Variants in SLC35F2 observed in about 807,000 individuals in gnomAD.
SLC35F2 encodes the protein solute carrier family 35 member F2, also known as queuine/queuosine transporter SLC35F2.
A neutral mutation model predicts 38.1 loss-of-function variants in SLC35F2; 25 were observed. The observed-to-expected ratio is 0.66, with a 90% CI of 0.48 to 0.92. SLC35F2 has a LOEUF of 0.92. Among genes scored for constraint, SLC35F2 ranks in the 40% least tolerant of loss-of-function variants. The pLI, the probability that SLC35F2 is intolerant of heterozygous loss-of-function variation, is 0.00. For missense variants in SLC35F2, 409 were observed against 452.9 expected (o/e 0.90, Z 0.88); for synonymous variants, 173 against 181.7 (o/e 0.95, Z 0.38).
At position 107,792,907 on chromosome 11, in the gene SLC35F2, TTC is replaced by T. The variant is rs1235309125; in HGVS notation, c.940-109_940-108del. On this transcript the variant is annotated intron_variant, in intron 7 of 7. Transcript: ENST00000525815. ...ATTACCCTCTCATAATCTTTTTATT[TTC>T]TTTCTTTCTTTCTTTCTTTCTTTTT... 5 of 245,606 alleles carry T rather than the reference TTC, an allele frequency of 2.0e-5. No individual in the cohort carries two copies. The African/African-American group carries it at 9.7e-4, about 47-fold the overall frequency. The allele number at this position is 245,606 out of a possible 1,614,324, so 15.2% of individuals were successfully genotyped here.
At chr11:107,818,663 A>G (rs1399610842) in intron 1 of SLC35F2, among the ~76,000 whole-genome samples, 1 of 152,076 alleles carries the variant, frequency 6.6e-6, no homozygotes, top group African/African-American at 2.4e-5. Flanking sequence ...ATATTGATAC[A>G]TGAGTTCTTG....
At chr11:107,811,898 C>A (rs1378606548) in intron 2 of SLC35F2, 104 bp from the exon 3 acceptor site, 82 of 1,069,374 alleles carry the variant, frequency 7.7e-5, no homozygotes, top group Non-Finnish European at 1.1e-4. Flanking sequence ...GTTTTTTTTT[C>A]TTTTTTCTTC....
intron 1 of SLC35F2, among the ~76,000 whole-genome samples, chr11:107,838,769 C>G (rs551325009): frequency 1.5e-4 from 23 of 151,986 alleles, no homozygotes; most frequent in African/African-American, 5.1e-4. Context: ...GCTGGGACTA[C>G]AGGCGTGCAC....
Position 107,815,972 on chromosome 11 carries a change from A to T in SLC35F2, c.111-7T>A. The T allele has an allele frequency of 6.2e-7, 1 of 1,610,622 alleles. No homozygotes were observed. The highest frequency in any genetic ancestry group is 1.1e-5 in the South Asian group (1 of 90,512). On this transcript the variant is annotated splice_region_variant and splice_polypyrimidine_tract_variant and intron_variant, in intron 1 of 7. Coordinates refer to ENST00000525815, the MANE Select transcript of SLC35F2 (RefSeq NM_017515.5). ...AATTGTTTTCAAAATATTCCTAGAA[A>T]ATAAGGGAAGAAATCAGAACAGCAT...
chr11:107,792,498 A>T lies in SLC35F2; in HGVS notation c.*117T>A. 1 of 1,227,362 alleles carries T rather than the reference A, an allele frequency of 8.1e-7. No individual in the cohort carries two copies. Among genetic ancestry groups the T allele is most frequent in the Non-Finnish European group, 1.1e-6 (1 of 911,996 alleles). 76.0% of individuals were successfully genotyped at this position (1,227,362 alleles called of 1,614,324 possible). Reference sequence around the variant, plus strand: ...TTCCTTTCTAAAACCTAACCACTGGATCCAACCCAGGGTTGTAGAGTGTCC... The same window carrying T: ...TTCCTTTCTAAAACCTAACCACTGGTTCCAACCCAGGGTTGTAGAGTGTCC... On this transcript the variant is annotated 3_prime_UTR_variant, in exon 8 of 8. Coordinates refer to ENST00000525815, the MANE Select transcript of SLC35F2 (RefSeq NM_017515.5).
chr11:107,795,657 G>A (rs1591182725), intron 7 of SLC35F2, among the ~76,000 whole-genome samples: 1 of 152,240 alleles, frequency 6.6e-6, no homozygotes, highest in East Asian at 1.9e-4. Context: ...AGTGGGCGAA[G>A]GACATGAATA....
Position 107,792,064 on chromosome 11 carries a change from A to G in SLC35F2, c.*551T>C, listed in dbSNP as rs518852. On this transcript the variant is annotated 3_prime_UTR_variant, in exon 8 of 8. Coordinates refer to ENST00000525815, the MANE Select transcript of SLC35F2 (RefSeq NM_017515.5). ...GTATAGTACTCACACTTATATCTCAAGACTTTTCAAGGGCTGACCCACCCG... is the reference window on the plus strand; with the variant it reads ...GTATAGTACTCACACTTATATCTCAGGACTTTTCAAGGGCTGACCCACCCG... 92,854 of 150,774 alleles carry G rather than the reference A, an allele frequency of 0.62. 29,486 individuals are homozygous for G. The highest frequency in any genetic ancestry group is 0.78 in the African/African-American group (32,022 of 41,006). The allele number at this position is 150,774 out of a possible 1,614,324, so 9.3% of individuals were successfully genotyped here.
intron 3 of SLC35F2, chr11:107,810,193 T>C (rs1859460766): frequency 1.0e-6 from 1 of 985,336 alleles, no homozygotes; most frequent in Non-Finnish European, 1.2e-6. Context: ...ATGCCTTTTT[T>C]ATAATATATT....
At chr11:107,802,556 A>G (rs1859326314) in intron 7 of SLC35F2, among the ~76,000 whole-genome samples, 2 of 152,232 alleles carry the variant, frequency 1.3e-5, no homozygotes. Flanking sequence ...AACCATTCCA[A>G]TCATGCATGC....
In SLC35F2 at chr11:107,792,627, A is replaced by G. The variant is rs765782838; in HGVS notation, c.1113T>C (p.Ser371=). 1 of 1,611,104 alleles carries G rather than the reference A, an allele frequency of 6.2e-7. No individual in the cohort carries two copies. The highest frequency in any genetic ancestry group is 8.5e-7 in the Non-Finnish European group (1 of 1,178,898). ...CCATCTTCTCCAGCTACAAGACAGCAGAGTGGGTCTCCTGGAGGTTCTCCT... is the reference window on the plus strand; with the variant it reads ...CCATCTTCTCCAGCTACAAGACAGCGGAGTGGGTCTCCTGGAGGTTCTCCT... The part of the protein sequence containing the change: ...KLEENLQETH[S]AVL Residue 371 remains serine (S), a synonymous_variant, in exon 8 of 8, where the codon TCT becomes TCC. Transcript: ENST00000525815.
chr11:107,852,498 C>T (rs1047421729), intron 1 of SLC35F2, among the ~76,000 whole-genome samples: 3 of 149,332 alleles, frequency 2.0e-5, no homozygotes, highest in African/African-American at 7.4e-5. Context: ...TTGCAGTCAG[C>T]TGAGATTGTG....
chr11:107,841,830 C>T (rs554908130), intron 1 of SLC35F2, among the ~76,000 whole-genome samples: 4 of 151,908 alleles, frequency 2.6e-5, no homozygotes, highest in South Asian at 2.1e-4. Context: ...AAATTAAGGC[C>T]GAGGCGAGCG....
intron 1 of SLC35F2, among the ~76,000 whole-genome samples, chr11:107,819,872 A>T (rs1387045281): frequency 6.6e-6 from 1 of 152,212 alleles, no homozygotes. Context: ...CAGATGGAGA[A>T]GATGACTCAG....
intron 1 of SLC35F2, among the ~76,000 whole-genome samples, chr11:107,830,533 G>A (rs539985284): frequency 1.3e-4 from 19 of 142,736 alleles, no homozygotes; most frequent in African/African-American, 3.7e-4. Flanking sequence ...GCAGTGAGCC[G>A]AGATCACGCC....
intron 1 of SLC35F2, among the ~76,000 whole-genome samples, chr11:107,820,814 G>A (rs1214760523): frequency 2.0e-5 from 3 of 152,072 alleles, no homozygotes; most frequent in Non-Finnish European, 4.4e-5. Context: ...AAATTAGCTG[G>A]GCATAGTGGC....
At chr11:107,802,392 A>C (rs577889166) in intron 7 of SLC35F2, among the ~76,000 whole-genome samples, 40 of 152,236 alleles carry the variant, frequency 2.6e-4, no homozygotes, top group African/African-American at 9.4e-4. Flanking sequence ...ATTCCCTTCC[A>C]CCCCACCTGC....
intron 1 of SLC35F2, among the ~76,000 whole-genome samples, chr11:107,851,080 T>C (rs1415656038): frequency 6.6e-6 from 1 of 151,728 alleles, no homozygotes; most frequent in Middle Eastern, 3.4e-3. Context: ...CTGGCCAATA[T>C]GGTGAAACCC....
At chr11:107,833,518 C>CAAAAAAAAAAAAA (rs34376803) in intron 1 of SLC35F2, among the ~76,000 whole-genome samples, 6 of 89,566 alleles carry the variant, frequency 6.7e-5, no homozygotes, top group Middle Eastern at 4.8e-3. Flanking sequence ...GACTCTGTCT[C>CAAAAAAAAAAAAA]AAAAAAAAAA....
intron 4 of SLC35F2, 131 bp from the exon 5 acceptor site, chr11:107,805,646 TTA>T: frequency 1.0e-5 from 15 of 1,452,334 alleles, no homozygotes; most frequent in Non-Finnish European, 1.4e-5. Context: ...TACTAGAAGT[TTA>T]TGTGTGAGAG....
Sources: gnomAD v4.1 joint callset for allele counts (sites outside exome capture counted in the v4.1 genomes callset) on GRCh38, gnomAD v4.1.1 for gene constraint, MANE v1.5 for transcripts, NCBI Gene and HGNC (gene_info 2026-07-23, HGNC 2026-07-21) for gene names.